Variants in FHIT observed in about 807,000 individuals in gnomAD.
The protein encoded by FHIT is fragile histidine triad diadenosine triphosphatase, also known as bis(5'-adenosyl)-triphosphatase.
A neutral mutation model predicts 17.9 loss-of-function variants in FHIT; 19 were observed. The ratio of observed to expected loss-of-function variants is 1.06; its 90% CI spans 0.74 to 1.56. The LOEUF (loss-of-function observed/expected upper bound fraction) is 1.56, where lower values mean the gene tolerates loss of function less well. Among genes scored for constraint, FHIT ranks in the 40% most tolerant of loss-of-function variants. FHIT has a pLI of 0.00. For missense variants in FHIT, 248 were observed against 189.2 expected (o/e 1.31, Z -1.82); for synonymous variants, 81 against 69.7 (o/e 1.16, Z -0.81).
intron 5 of FHIT, among the ~76,000 whole-genome samples, chr3:60,179,627 C>T (rs1255694919): frequency 1.3e-5 from 2 of 151,854 alleles, no homozygotes; most frequent in African/African-American, 4.8e-5. Flanking sequence ...ATTCAACTAC[C>T]TAGCTACAGG....
intron 5 of FHIT, among the ~76,000 whole-genome samples, chr3:60,046,303 A>G (rs1701650587): frequency 6.6e-6 from 1 of 152,226 alleles, no homozygotes; most frequent in Non-Finnish European, 1.5e-5. Flanking sequence ...AGGGTGTTCA[A>G]TAAACAGGTG....
At chr3:59,838,914 A>C (rs1291074096) in intron 8 of FHIT, among the ~76,000 whole-genome samples, 1 of 152,148 alleles carries the variant, frequency 6.6e-6, no homozygotes, top group Non-Finnish European at 1.5e-5. Flanking sequence ...CTACACTTCA[A>C]CCAGAGCTGC....
intron 3 of FHIT, among the ~76,000 whole-genome samples, chr3:61,001,735 T>C (rs977998275): frequency 2.6e-5 from 4 of 152,160 alleles, no homozygotes; most frequent in Non-Finnish European, 5.9e-5. Context: ...TTGATAGTGG[T>C]TGTGGTTTCA....
chr3:60,726,771 T>C (rs1406038042), intron 4 of FHIT, among the ~76,000 whole-genome samples: 1 of 152,192 alleles, frequency 6.6e-6, no homozygotes, highest in Admixed American at 6.5e-5. Context: ...ATTCCCATTT[T>C]ATATAAGAGG....
intron 1 of FHIT, among the ~76,000 whole-genome samples, chr3:61,203,119 G>A (rs1248002588): frequency 6.7e-6 from 1 of 150,268 alleles, no homozygotes; most frequent in Non-Finnish European, 1.5e-5. Flanking sequence ...GGCGGGGCTT[G>A]CAGTGAGCAG....
chr3:60,714,907 C>T (rs1358961346), intron 4 of FHIT, among the ~76,000 whole-genome samples: 2 of 152,184 alleles, frequency 1.3e-5, no homozygotes, highest in African/African-American at 4.8e-5. Context: ...CTACCAATGT[C>T]TTTCTTCACG....
chr3:61,037,188 G>A (rs1191241306), intron 3 of FHIT, among the ~76,000 whole-genome samples: 1 of 152,158 alleles, frequency 6.6e-6, no homozygotes, highest in African/African-American at 2.4e-5. Context: ...TCGGATTACA[G>A]GCGTGAGCCA....
chr3:60,141,220 A>G (rs1268271786), intron 5 of FHIT, among the ~76,000 whole-genome samples: 2 of 152,104 alleles, frequency 1.3e-5, no homozygotes, highest in African/African-American at 4.8e-5. Flanking sequence ...CCCTGTCTAA[A>G]TGCACAGATA....
At chr3:61,081,970 T>G (rs371825883) in intron 2 of FHIT, among the ~76,000 whole-genome samples, 8 of 152,114 alleles carry the variant, frequency 5.3e-5, no homozygotes, top group African/African-American at 1.7e-4. Flanking sequence ...ATCTGTCAAC[T>G]TCTTTCTATA....
chr3:60,960,707 T>G (rs745808435), intron 3 of FHIT, among the ~76,000 whole-genome samples: 6 of 152,214 alleles, frequency 3.9e-5, no homozygotes, highest in South Asian at 2.1e-4. Flanking sequence ...GTCCTTGCAA[T>G]AGTTTGCTCA....
chr3:61,249,257 T>G (rs2040556386), intron 1 of FHIT, among the ~76,000 whole-genome samples: 1 of 152,234 alleles, frequency 6.6e-6, no homozygotes, highest in South Asian at 2.1e-4. Flanking sequence ...ACAAACCAAC[T>G]GTGTGACCTT....
chr3:61,061,207 A>G (rs2034416421), intron 2 of FHIT, among the ~76,000 whole-genome samples: 1 of 152,100 alleles, frequency 6.6e-6, no homozygotes, highest in Non-Finnish European at 1.5e-5. Context: ...ATTGAAGTTT[A>G]TGAAACATTT....
At chr3:60,247,026 T>C (rs1705430733) in intron 5 of FHIT, among the ~76,000 whole-genome samples, 1 of 152,108 alleles carries the variant, frequency 6.6e-6, no homozygotes, top group Non-Finnish European at 1.5e-5. Context: ...TCATCGAACA[T>C]ACATCACTAA....
intron 2 of FHIT, among the ~76,000 whole-genome samples, chr3:61,063,370 G>A (rs968566876): frequency 4.1e-4 from 63 of 152,130 alleles, no homozygotes; most frequent in Admixed American, 3.1e-3. Context: ...CCACAAGTTC[G>A]TAAGTGATAC....
intron 7 of FHIT, among the ~76,000 whole-genome samples, chr3:59,927,257 T>C (rs752232987): frequency 6.6e-6 from 1 of 152,074 alleles, no homozygotes; most frequent in Non-Finnish European, 1.5e-5. Context: ...GGCTGATTCA[T>C]AGAGAAAGAA....
At chr3:60,540,931 A>C (rs930802854) in intron 4 of FHIT, among the ~76,000 whole-genome samples, 5 of 152,202 alleles carry the variant, frequency 3.3e-5, no homozygotes, top group African/African-American at 1.2e-4. Context: ...TAGCATCAGC[A>C]TCACTTGGGA....
At chr3:60,159,573 C>G (rs559803773) in intron 5 of FHIT, among the ~76,000 whole-genome samples, 1 of 152,314 alleles carries the variant, frequency 6.6e-6, no homozygotes, top group East Asian at 1.9e-4. Flanking sequence ...ACCTTCTTAG[C>G]AATCTACCTT....
At chr3:59,978,532 G>C (rs913188977) in intron 7 of FHIT, among the ~76,000 whole-genome samples, 19 of 151,440 alleles carry the variant, frequency 1.3e-4, no homozygotes, top group African/African-American at 4.6e-4. Context: ...CAATTAACTA[G>C]CTAGTGGCCA....
intron 4 of FHIT, among the ~76,000 whole-genome samples, chr3:60,570,287 A>G (rs2037329421): frequency 6.6e-6 from 1 of 152,198 alleles, no homozygotes; most frequent in South Asian, 2.1e-4. Context: ...GAATAATCAT[A>G]CTGAGGACGA....
Sources: gnomAD v4.1 joint callset for allele counts (sites outside exome capture counted in the v4.1 genomes callset) on GRCh38, gnomAD v4.1.1 for gene constraint, MANE v1.5 for transcripts, NCBI Gene and HGNC (gene_info 2026-07-23, HGNC 2026-07-21) for gene names.